KIFAP3: variants seen among roughly 807,000 people sequenced by gnomAD.
KIFAP3 encodes the protein kinesin-associated protein 3.
A neutral mutation model predicts 106.5 loss-of-function variants in KIFAP3; 68 were observed. That is an observed-to-expected ratio of 0.64 (90% CI 0.53 to 0.78). The LOEUF (loss-of-function observed/expected upper bound fraction) is 0.78. Ranked by LOEUF, KIFAP3 falls within the 30% of genes least tolerant of loss-of-function variation. The probability of loss-of-function intolerance (pLI) is 0.00; values close to 1 mark genes in which losing one functional copy is unlikely to be tolerated. For missense variants in KIFAP3, 780 were observed against 941.8 expected, an observed-to-expected ratio of 0.83 and a Z score of 2.25; for synonymous variants, 320 against 311.5, an observed-to-expected ratio of 1.03 and a Z score of -0.29.
chr1:170,062,786 GC>G (rs1571758357), intron 1 of KIFAP3, among the ~76,000 whole-genome samples: 1 of 151,894 alleles, frequency 6.6e-6, no homozygotes, highest in Non-Finnish European at 1.5e-5. Context: ...ATGAAATCAT[GC>G]CTATTCTTAT....
At chr1:170,005,839 C>G (rs1388758955) in intron 10 of KIFAP3, among the ~76,000 whole-genome samples, 5 of 151,040 alleles carry the variant, frequency 3.3e-5, no homozygotes, top group Non-Finnish European at 7.4e-5. Flanking sequence ...CACATGTACC[C>G]TAAAACTTAA....
intron 11 of KIFAP3, among the ~76,000 whole-genome samples, chr1:169,988,283 AT>A: frequency 6.6e-6 from 1 of 152,160 alleles, no homozygotes; most frequent in East Asian, 1.9e-4. Flanking sequence ...GGTGACAAAG[AT>A]TTTACTAAGA....
chr1:169,974,826 T>C (rs1304413786), intron 16 of KIFAP3, among the ~76,000 whole-genome samples: 1 of 152,066 alleles, frequency 6.6e-6, no homozygotes, highest in East Asian at 1.9e-4. Flanking sequence ...TCTTTAAAAT[T>C]CTCAAGGGGA....
intron 10 of KIFAP3, among the ~76,000 whole-genome samples, chr1:169,999,266 G>A (rs1472810200): frequency 1.3e-5 from 2 of 152,008 alleles, no homozygotes; most frequent in African/African-American, 4.8e-5. Context: ...AGGATTGGAG[G>A]GTATGATTTT....
At chr1:169,962,818 G>T (rs908357915) in intron 17 of KIFAP3, among the ~76,000 whole-genome samples, 2 of 152,134 alleles carry the variant, frequency 1.3e-5, no homozygotes, top group African/African-American at 2.4e-5. Flanking sequence ...TCAGTTGTCA[G>T]ATTGCATGTG....
At chr1:169,951,871 ATAAT>A (rs138496083) in intron 19 of KIFAP3, among the ~76,000 whole-genome samples, 4,864 of 152,018 alleles carry the variant, frequency 0.032, 241 homozygotes, top group African/African-American at 0.11. Context: ...AAATGGCAGA[ATAAT>A]TAATCTTATA....
At chr1:169,973,123 A>ATATATATATATATATATATAT (rs1553278139) in intron 16 of KIFAP3, among the ~76,000 whole-genome samples, 65 of 128,512 alleles carry the variant, frequency 5.1e-4, no homozygotes, top group Middle Eastern at 4.7e-3. Flanking sequence ...ATATATATAT[A>ATATATATATATATATATATAT]AACAACACAA....
At chr1:170,017,409 TA>T (rs75054526) in intron 9 of KIFAP3, among the ~76,000 whole-genome samples, 238 of 140,792 alleles carry the variant, frequency 1.7e-3, no homozygotes, top group Admixed American at 1.8e-3. Flanking sequence ...AGGAATAAAG[TA>T]AAAAAAAAAA....
At chr1:169,961,694 A>G (rs923923663) in intron 17 of KIFAP3, among the ~76,000 whole-genome samples, 19 of 151,998 alleles carry the variant, frequency 1.3e-4, no homozygotes, top group Non-Finnish European at 2.6e-4. Flanking sequence ...TCCTCAGCCT[A>G]CTCAATGTGA....
In KIFAP3 at chr1:170,079,919, A is replaced by G. The variant is rs144916488; in HGVS notation, n.174+5116T>C. Reference sequence around the variant, plus strand: ...ATCTATAAACAAGGGATGTCTTTCCATTTATTTGAATAATTTTGGTAGAAT... The same window carrying G: ...ATCTATAAACAAGGGATGTCTTTCCGTTTATTTGAATAATTTTGGTAGAAT... On this transcript the variant is annotated intron_variant and non_coding_transcript_variant, in intron 1 of 5. Coordinates refer to the KIFAP3 transcript ENST00000490550. Among the ~76,000 whole-genome samples the G allele has an allele frequency of 3.1e-3, 474 of 152,028 alleles. 1 individual carries two copies. The highest frequency in any genetic ancestry group is 0.014 in the Middle Eastern group (4 of 294).
In KIFAP3 at chr1:170,074,616, C is replaced by A. The variant is rs957027454; in HGVS notation, c.-149G>T. The A allele has an allele frequency of 5.3e-6, 8 of 1,509,520 alleles. No individual in the cohort carries two copies. The African/African-American group carries it at 1.1e-4, about 21-fold the overall frequency. The allele number at this position is 1,509,520 out of a possible 1,614,324, so 93.5% of individuals were successfully genotyped here. On this transcript the variant is annotated 5_prime_UTR_variant, in exon 1 of 20. Coordinates refer to ENST00000361580, the MANE Select transcript of KIFAP3 (RefSeq NM_014970.4). ...CGGGGCAGCAGCGGCGCTGTGGTTA[C>A]CACGGTGAAGCCTCCAGCTCCTCCC...
At chr1:169,944,556 CTT>C (rs759498390) in intron 19 of KIFAP3, among the ~76,000 whole-genome samples, 7 of 152,238 alleles carry the variant, frequency 4.6e-5, no homozygotes, top group East Asian at 3.9e-4. Flanking sequence ...TGTTACAGCT[CTT>C]TGAGTCCTGC....
chr1:170,024,354 TCAAAA>T, intron 9 of KIFAP3, 59 bp downstream of exon 9: 2 of 1,081,074 alleles, frequency 1.9e-6, no homozygotes, highest in Admixed American at 2.7e-5. Context: ...TTAATTTTTT[TCAAAA>T]TATTCTAACT....
At chr1:169,996,128 C>T (rs745548389) in intron 10 of KIFAP3, among the ~76,000 whole-genome samples, 1 of 152,166 alleles carries the variant, frequency 6.6e-6, no homozygotes, top group Middle Eastern at 3.4e-3. Flanking sequence ...ATTCATTTTG[C>T]AGCCAGTCCT....
chr1:170,002,323 G>A (rs1043340875), intron 10 of KIFAP3, among the ~76,000 whole-genome samples: 48 of 152,280 alleles, frequency 3.2e-4, no homozygotes, highest in Non-Finnish European at 2.2e-4. Flanking sequence ...ACAGAATAGA[G>A]AAACATTTAT....
intron 9 of KIFAP3, among the ~76,000 whole-genome samples, chr1:170,022,572 G>A (rs146720795): frequency 1.3e-5 from 2 of 152,184 alleles, no homozygotes; most frequent in Admixed American, 1.3e-4. Context: ...GTGAAATTGG[G>A]AGGCTAGATT....
intron 3 of KIFAP3, chr1:170,041,761 T>A (rs1281136371): frequency 3.9e-6 from 6 of 1,534,000 alleles, no homozygotes; most frequent in Non-Finnish European, 5.2e-6. Flanking sequence ...GCAATCGACA[T>A]CCCTTTTGCC....
intron 1 of KIFAP3, among the ~76,000 whole-genome samples, chr1:170,057,102 C>G (rs1445864258): frequency 6.6e-6 from 1 of 152,102 alleles, no homozygotes; most frequent in Admixed American, 6.6e-5. Context: ...CTAGTTACTT[C>G]CTTCCTGATA....
chr1:170,024,368 C>T (rs778175534), intron 9 of KIFAP3, 50 bp downstream of exon 9: 18 of 1,242,396 alleles, frequency 1.4e-5, no homozygotes, highest in Non-Finnish European at 2.0e-5. Context: ...AATATTCTAA[C>T]TTGAAAATGG....
Sources: gnomAD v4.1 joint callset for allele counts (sites outside exome capture counted in the v4.1 genomes callset) on GRCh38, gnomAD v4.1.1 for gene constraint, MANE v1.5 for transcripts, NCBI Gene and HGNC (gene_info 2026-07-23, HGNC 2026-07-21) for gene names.